MAP4K5: variants seen among roughly 807,000 people sequenced by gnomAD.
The protein encoded by MAP4K5 is mitogen-activated protein kinase kinase kinase kinase 5, also known as MAPK/ERK kinase kinase kinase 5.
In MAP4K5, 82 loss-of-function variants were observed where a neutral mutation model predicts 135.6. The ratio of observed to expected loss-of-function variants is 0.60; its 90% CI spans 0.51 to 0.73. The LOEUF is 0.73. Among genes scored for constraint, MAP4K5 ranks in the 30% least tolerant of loss-of-function variants. The probability of loss-of-function intolerance (pLI) is 0.00; values close to 1 mark genes in which losing one functional copy is unlikely to be tolerated. For missense variants in MAP4K5, 907 were observed against 1,010.9 expected (o/e 0.90, Z 1.39); for synonymous variants, 347 against 335.0 (o/e 1.04, Z -0.39).
chr14:50,466,501 T>G (rs1423586655), intron 11 of MAP4K5, 82 bp downstream of exon 11: 1 of 695,132 alleles, frequency 1.4e-6, no homozygotes, highest in East Asian at 2.8e-5. Flanking sequence ...GACTTCTGTT[T>G]AATCATCTGC....
intron 2 of MAP4K5, among the ~76,000 whole-genome samples, chr14:50,523,970 G>T (rs2038206481): frequency 6.6e-6 from 1 of 152,218 alleles, no homozygotes; most frequent in Non-Finnish European, 1.5e-5. Flanking sequence ...CAAGGCTCCA[G>T]ATCAGAAAGG....
At chr14:50,454,859 C>A (rs767513369) in intron 14 of MAP4K5, among the ~76,000 whole-genome samples, 34 of 151,448 alleles carry the variant, frequency 2.2e-4, no homozygotes, top group Admixed American at 6.6e-5. Flanking sequence ...GGCACAATAG[C>A]CAAATGTCAT....
chr14:50,533,112 C>T (rs145962477), upstream of MAP4K5: 1,626 of 152,556 alleles, frequency 0.011, 31 homozygotes, highest in African/African-American at 0.037. Context: ...ACCTGCACAA[C>T]CTGCCTTCTA....
Position 50,434,397 on chromosome 14 carries a change from C to T in MAP4K5, c.2161G>A (p.Ala721Thr), listed in dbSNP as rs373011997. 2.5e-5 allele frequency: 40 copies of T among 1,600,124 alleles called. No homozygotes were observed. Among genetic ancestry groups the T allele is most frequent in the Admixed American group, 5.2e-5 (3 of 57,912 alleles). The change falls in exon 28 of 33, where the codon GCA (alanine) becomes ACA (threonine). Residue 721 changes from alanine to threonine, a missense_variant. Ala to Thr is a moderately conservative substitution (Grantham distance 58, BLOSUM62 0). This residue lies in a region of MAP4K5 where 690 missense variants were observed against 777.4 expected (regional missense o/e 0.89). Coordinates refer to ENST00000682126, the MANE Select transcript of MAP4K5 (RefSeq NM_006575.6). ...SASSWFTEIGAGSQQLDSIHV... is the reference protein window; with the variant it reads ...SASSWFTEIGTGSQQLDSIHV... ...ACATAAGGTAAAAAATACTTACCTG[C>T]ACCAATTTCTGTAAACCATGAAGAT...
intron 6 of MAP4K5, among the ~76,000 whole-genome samples, chr14:50,480,777 G>A (rs1321720255): frequency 6.6e-6 from 1 of 152,094 alleles, no homozygotes; most frequent in Non-Finnish European, 1.5e-5. Flanking sequence ...TAAACACCTA[G>A]GGTATATGTA....
chr14:50,508,571 TG>T (rs2037861546), intron 2 of MAP4K5, among the ~76,000 whole-genome samples: 1 of 143,128 alleles, frequency 7.0e-6, no homozygotes, highest in Non-Finnish European at 1.5e-5. Context: ...TGTCGTGGGG[TG>T]GGGGGAGAGG....
At chr14:50,448,037 TCA>T (rs10603531) in intron 15 of MAP4K5, among the ~76,000 whole-genome samples, 151,340 of 152,282 alleles carry the variant, frequency 0.99, 75,214 homozygotes, top group Middle Eastern at 1. Context: ...AAATGGAGTC[TCA>T]CACTCTGTCG....
At chr14:50,508,952 T>C (rs2037871604) in intron 2 of MAP4K5, among the ~76,000 whole-genome samples, 1 of 152,152 alleles carries the variant, frequency 6.6e-6, no homozygotes, top group Non-Finnish European at 1.5e-5. Flanking sequence ...TGTGGCACTA[T>C]TCACAATAGT....
upstream of MAP4K5, among the ~76,000 whole-genome samples, chr14:50,536,436 CAAAAAAAAA>C (rs34686813): frequency 1.9e-5 from 2 of 107,242 alleles, no homozygotes; most frequent in Non-Finnish European, 4.0e-5. Context: ...AACTCTGTCT[CAAAAAAAAA>C]AAAAAAAAAA....
intron 2 of MAP4K5, among the ~76,000 whole-genome samples, chr14:50,512,232 G>T (rs2037945456): frequency 1.3e-5 from 2 of 152,038 alleles, no homozygotes; most frequent in African/African-American, 4.8e-5. Context: ...TTAATTTAAA[G>T]ATAAATTATT....
At chr14:50,555,262 T>TTTTTG (rs141877825) in intron 1 of MAP4K5, among the ~76,000 whole-genome samples, 17 of 151,448 alleles carry the variant, frequency 1.1e-4, no homozygotes, top group African/African-American at 3.6e-4. Context: ...AGTTCCTTCA[T>TTTTTG]TTTTGTTTTG....
rs1463960437 is a variant in MAP4K5, at chr14:50,440,036, T to C, written c.1682A>G (p.Asn561Ser). Residue 561 changes from asparagine (N) to serine (S), a missense_variant, in exon 23 of 33, where the codon AAT becomes AGT. Physicochemically the swap from Asn to Ser is conservative, Grantham distance 46. Around this residue, in one of 3 missense-constraint regions of MAP4K5, gnomAD observed 690 missense variants for 777.4 expected, o/e 0.89. Coordinates refer to ENST00000682126, the MANE Select transcript of MAP4K5 (RefSeq NM_006575.6). ...PRKCTWLYVI[N>S]NTLMSLSEGK... ...ACCTGATAATGACATTAAAGTATTA[T>C]TGATAACATACAGCCAAGTACACTT... is the stretch of plus-strand genomic sequence containing the variant. The C allele has an allele frequency of 2.6e-6, 4 of 1,555,420 alleles. No individual in the cohort carries two copies. The highest frequency in any genetic ancestry group is 3.5e-6 in the Non-Finnish European group (4 of 1,138,674).
At chr14:50,471,980 C>G (rs775276653) in intron 9 of MAP4K5, 1 of 152,388 alleles carries the variant, frequency 6.6e-6, no homozygotes, top group African/African-American at 2.4e-5. Context: ...TGGAGAGAAA[C>G]CCTACGAACG....
intron 3 of MAP4K5, among the ~76,000 whole-genome samples, chr14:50,488,517 T>C (rs2058977143): frequency 6.6e-6 from 1 of 152,224 alleles, no homozygotes; most frequent in Admixed American, 6.5e-5. Context: ...CAAGAGTAGC[T>C]TCACATAATA....
At chr14:50,490,822 A>C (rs757594668) in intron 3 of MAP4K5, among the ~76,000 whole-genome samples, 1 of 152,192 alleles carries the variant, frequency 6.6e-6, no homozygotes, top group Non-Finnish European at 1.5e-5. Flanking sequence ...TCAGTGCATC[A>C]AAATAGGATC....
intron 9 of MAP4K5, among the ~76,000 whole-genome samples, chr14:50,473,716 CTTTTTTTTTTTTTTT>C: frequency 1.0e-5 from 1 of 95,468 alleles, no homozygotes; most frequent in South Asian, 3.4e-4. Context: ...TTTGGTTTCA[CTTTTTTTTTTTTTTT>C]TTTTTTTTTT....
intron 26 of MAP4K5, among the ~76,000 whole-genome samples, chr14:50,435,722 A>G (rs2036075215): frequency 6.6e-6 from 1 of 152,160 alleles, no homozygotes; most frequent in Non-Finnish European, 1.5e-5. Flanking sequence ...ATAGCAGTGT[A>G]CAGATGTCTA....
intron 13 of MAP4K5, among the ~76,000 whole-genome samples, chr14:50,458,894 G>C (rs2036649288): frequency 6.6e-6 from 1 of 152,004 alleles, no homozygotes; most frequent in African/African-American, 2.4e-5. Context: ...CTGCAGCCTT[G>C]ACCTCTTGCA....
intron 2 of MAP4K5, among the ~76,000 whole-genome samples, chr14:50,539,154 C>T (rs1237349916): frequency 6.6e-6 from 1 of 152,196 alleles, no homozygotes; most frequent in East Asian, 1.9e-4. Flanking sequence ...GTATAAACTA[C>T]TTGCCAAGGA....
Sources: gnomAD v4.1 joint callset for allele counts (sites outside exome capture counted in the v4.1 genomes callset) on GRCh38, gnomAD v4.1.1 for gene constraint, gnomAD v4.1.1 regional missense constraint, MANE v1.5 for transcripts, NCBI Gene and HGNC (gene_info 2026-07-23, HGNC 2026-07-21) for gene names.